The following PDE4A variants were observed in gnomAD, a reference collection of about 807,000 sequenced individuals.
PDE4A encodes the protein phosphodiesterase 4A.
PDE4A carries 21 observed loss-of-function variants against 73.9 expected under a neutral mutation model. That is an observed-to-expected ratio of 0.28 (90% CI 0.20 to 0.41). The LOEUF (loss-of-function observed/expected upper bound fraction) is 0.41. Among genes scored for constraint, PDE4A ranks in the 10% least tolerant of loss-of-function variants. PDE4A has a pLI of 1.00. For missense variants in PDE4A, 958 were observed against 1,211.4 expected, an observed-to-expected ratio of 0.79 and a Z score of 3.10; for synonymous variants, 463 against 505.4, an observed-to-expected ratio of 0.92 and a Z score of 1.13.
intron 2 of PDE4A, among the ~76,000 whole-genome samples, 183 bp downstream of exon 2, chr19:10,446,592 T>G (rs993633377): frequency 2.0e-5 from 3 of 150,800 alleles, no homozygotes; most frequent in Non-Finnish European, 3.0e-5. Context: ...CTTTTTTTTT[T>G]TTTTTCTTTT....
At position 10,420,940 on chromosome 19, in the gene PDE4A, G is replaced by C. The variant is rs756974643; in HGVS notation, c.176G>C (p.Arg59Pro). ...SDSAERAERERQPHRPIERAD... is the reference protein window; with the variant it reads ...SDSAERAEREPQPHRPIERAD... Reference sequence around the variant, plus strand: ...AGCGCGGAGCGCGCCGAGCGGGAGCGGCAGCCGCACCGGCCCATAGAGCGC... The same window carrying C: ...AGCGCGGAGCGCGCCGAGCGGGAGCCGCAGCCGCACCGGCCCATAGAGCGC... The change falls in exon 1 of 15, where the codon CGG becomes CCG. Residue 59 changes from arginine (R) to proline (P), a missense_variant. Around this residue, in one of 3 missense-constraint regions of PDE4A, gnomAD observed 145 missense variants for 137.8 expected, o/e 1.05. Coordinates refer to ENST00000380702, the MANE Select transcript of PDE4A (RefSeq NM_001111307.2). This position sits in a 1 kb window ranked among gnomAD's most constrained non-coding sequence, Gnocchi z 6.0. The C allele has an allele frequency of 1.8e-5, 29 of 1,568,230 alleles. 1 individual carries two copies. The highest frequency in any genetic ancestry group is 2.4e-5 in the East Asian group (1 of 42,148).
intron 8 of PDE4A, 100 bp from the exon 9 acceptor site, chr19:10,459,300 A>T (rs2043220903): frequency 1.3e-6 from 2 of 1,576,590 alleles, no homozygotes; most frequent in South Asian, 2.3e-5. Context: ...GGTGAGCAAT[A>T]ATGGTGCTTC....
intron 1 of PDE4A, among the ~76,000 whole-genome samples, chr19:10,445,692 C>A (rs1049684992): frequency 2.0e-5 from 3 of 149,464 alleles, no homozygotes; most frequent in Non-Finnish European, 4.4e-5. Flanking sequence ...CACTTGAATC[C>A]GGGAGGTGGA....
chr19:10,444,492 C>T (rs1177989624), intron 1 of PDE4A, among the ~76,000 whole-genome samples: 1 of 149,952 alleles, frequency 6.7e-6, no homozygotes, highest in Non-Finnish European at 1.5e-5. Flanking sequence ...GAGTGAAACT[C>T]CATCTCAAAA....
chr19:10,428,931 AT>A, intron 1 of PDE4A: 1 of 962,758 alleles, frequency 1.0e-6, no homozygotes, highest in Non-Finnish European at 1.2e-6. Context: ...GTGAAACCCC[AT>A]TTCTACTAAA....
chr19:10,425,814 C>T (rs532229047), intron 1 of PDE4A, among the ~76,000 whole-genome samples: 1 of 151,054 alleles, frequency 6.6e-6, no homozygotes, highest in African/African-American at 2.4e-5. Context: ...GGTGAAACCC[C>T]GTCTCTACTA....
chr19:10,460,276 A>T (rs1247997716), intron 10 of PDE4A, among the ~76,000 whole-genome samples: 1 of 151,866 alleles, frequency 6.6e-6, no homozygotes, highest in African/African-American at 2.4e-5. Flanking sequence ...AGATGGGTGG[A>T]TCACCTGAGG....
In PDE4A at chr19:10,469,146, T is replaced by C. The variant is rs1437058892; in HGVS notation, c.*1525T>C. 6.6e-6 allele frequency: 1 copy of C among 152,554 alleles called. No homozygotes were observed. The highest frequency in any genetic ancestry group is 1.5e-5 in the Non-Finnish European group (1 of 68,094). The allele number at this position is 152,554 out of a possible 1,614,324, so 9.5% of individuals were successfully genotyped here. ...CAGCCGGCGATCGGAGTGGGCCTTT[T>C]CTTTCTTTTTGTTCATTCTTTACCT... On this transcript the variant is annotated 3_prime_UTR_variant, in exon 15 of 15. Transcript: ENST00000380702.
chr19:10,432,359 G>C (rs1174094866), intron 1 of PDE4A: 3 of 1,305,762 alleles, frequency 2.3e-6, no homozygotes, highest in Non-Finnish European at 2.9e-6. Flanking sequence ...CAGACACCTT[G>C]GGCCTGGCCA....
At position 10,467,096 on chromosome 19, in the gene PDE4A, G is replaced by T; in HGVS notation, c.2136G>T (p.Thr712=). 2 of 1,614,170 alleles carry T rather than the reference G, an allele frequency of 1.2e-6. No homozygotes were observed. Among genetic ancestry groups the T allele is most frequent in the South Asian group, 2.2e-5 (2 of 91,084 alleles). Residue 712 remains threonine, a synonymous_variant, in exon 15 of 15, where the codon ACG becomes ACT. Transcript: ENST00000380702. ...CTGACAAGTTCCAGTTTGAGCTGAC[G>T]CTGGAGGAGGAAGAGGAGGAAGAAA... is the stretch of plus-strand genomic sequence containing the variant. The part of the protein sequence containing the change: ...PLPDKFQFEL[T]LEEEEEEEIS...
chr19:10,460,990 G>A lies in PDE4A; in HGVS notation c.1366-14G>A. 6.2e-7 allele frequency: 1 copy of A among 1,607,602 alleles called. No individual in the cohort carries two copies. On this transcript the variant is annotated splice_polypyrimidine_tract_variant and intron_variant, in intron 10 of 14. Coordinates refer to ENST00000380702, the MANE Select transcript of PDE4A (RefSeq NM_001111307.2). ...TCAACTCTGTTATTCTAACATCCGT[G>A]TCTCTGCTCCCAGGCAGTGTTCACG...
chr19:10,459,931 A>C (rs1160039156), intron 10 of PDE4A, among the ~76,000 whole-genome samples, 172 bp downstream of exon 10: 2 of 151,758 alleles, frequency 1.3e-5, no homozygotes, highest in Non-Finnish European at 2.9e-5. Flanking sequence ...CCCAGGCTAG[A>C]GTGCAGTGGC....
At chr19:10,448,399 G>A (rs954537245) in intron 2 of PDE4A, among the ~76,000 whole-genome samples, 1 of 152,012 alleles carries the variant, frequency 6.6e-6, no homozygotes, top group Non-Finnish European at 1.5e-5. Context: ...CACTTTGAGA[G>A]GCCAAAGTGG....
At chr19:10,455,972 T>C (rs1370099267) in intron 7 of PDE4A, among the ~76,000 whole-genome samples, 1 of 150,366 alleles carries the variant, frequency 6.7e-6, no homozygotes, top group Non-Finnish European at 1.5e-5. Context: ...CCCCCAACTT[T>C]AGCAACCTCC....
upstream of PDE4A, among the ~76,000 whole-genome samples, chr19:10,418,431 TGG>T (rs1442092914): frequency 6.6e-6 from 1 of 152,132 alleles, no homozygotes; most frequent in Non-Finnish European, 1.5e-5. Flanking sequence ...ACAGCTGAGC[TGG>T]TCCTGGCTTC....
At chr19:10,417,056 G>T, upstream of PDE4A, 1 of 1,518,864 alleles carries the variant, frequency 6.6e-7, no homozygotes, top group African/African-American at 1.4e-5. Flanking sequence ...GCGCCCTCTA[G>T]TGACCACGGC....
intron 1 of PDE4A, among the ~76,000 whole-genome samples, chr19:10,443,889 C>T (rs1022918683): frequency 1.3e-5 from 2 of 151,454 alleles, no homozygotes; most frequent in African/African-American, 4.9e-5. Context: ...TGCCTGTAAT[C>T]CCAGCTACTC....
rs751460959 is a variant in PDE4A, at chr19:10,467,376, G to A, written c.2416G>A (p.Val806Ile). The A allele has an allele frequency of 8.1e-6, 13 of 1,614,166 alleles. No individual in the cohort carries two copies. The highest frequency in any genetic ancestry group is 1.0e-5 in the Non-Finnish European group (12 of 1,180,024). ...GTCCCGGGAGGAATTCGTGGTTGCTGTAAGCCACAGCAGCCCCTCTGCCCT... is the reference window on the plus strand; with the variant it reads ...GTCCCGGGAGGAATTCGTGGTTGCTATAAGCCACAGCAGCCCCTCTGCCCT... Reference protein sequence around the residue: ...FSSREEFVVAVSHSSPSALAL... With the variant: ...FSSREEFVVAISHSSPSALAL... Residue 806 changes from valine to isoleucine, a missense_variant, in exon 15 of 15, where the codon GTA becomes ATA. Physicochemically the swap from Val to Ile is conservative, Grantham distance 29. Around this residue, in one of 3 missense-constraint regions of PDE4A, gnomAD observed 243 missense variants for 245.9 expected, o/e 0.99. Transcript: ENST00000380702.
Position 10,453,388 on chromosome 19 carries a change from G to C in PDE4A, c.784-1441G>C. ...TCCTGGTGAGCTGGGCCCCCGGTGT[G>C]GGCTTGTGTGTGCAGCTGTGCACGT... On this transcript the variant is annotated intron_variant, in intron 6 of 14. Transcript: ENST00000380702. The surrounding 1 kb of genome is among the most constrained non-coding windows in gnomAD (Gnocchi z 4.6). The C allele has an allele frequency of 6.4e-7, 1 of 1,569,814 alleles. No individual in the cohort carries two copies. Among genetic ancestry groups the C allele is most frequent in the East Asian group, 2.3e-5 (1 of 43,724 alleles).
Sources: allele counts gnomAD v4.1 joint callset (sites outside exome capture counted in the v4.1 genomes callset), GRCh38; gene constraint gnomAD v4.1.1; regional missense constraint gnomAD v4.1.1; non-coding constraint Gnocchi (gnomAD v3.1); transcripts MANE v1.5; gene names NCBI Gene and HGNC (gene_info 2026-07-23, HGNC 2026-07-21).